The following LZTFL1 variants were observed in gnomAD, a reference collection of about 807,000 sequenced individuals.
LZTFL1 encodes leucine zipper transcription factor like 1.
Under a neutral mutation model 45.9 loss-of-function variants are expected in LZTFL1, and 25 were observed. The ratio of observed to expected loss-of-function variants is 0.54; its 90% CI spans 0.40 to 0.76. The LOEUF is 0.76. Ranked by LOEUF, LZTFL1 falls within the 30% of genes least tolerant of loss-of-function variation. The pLI, the probability that LZTFL1 is intolerant of heterozygous loss-of-function variation, is 0.00. For synonymous variants in LZTFL1, 93 were observed against 117.4 expected (o/e 0.79, Z 1.35); for missense variants, 277 against 331.1 (o/e 0.84, Z 1.27).
At chr3:45,847,203 C>A (rs1454968271) in intron 4 of LZTFL1, among the ~76,000 whole-genome samples, 3 of 152,220 alleles carry the variant, frequency 2.0e-5, no homozygotes, top group Non-Finnish European at 2.9e-5. Context: ...TGCATATCTA[C>A]AATCTCTTTC....
At chr3:45,861,502 G>C (rs1433415160) in intron 2 of LZTFL1, among the ~76,000 whole-genome samples, 2 of 152,160 alleles carry the variant, frequency 1.3e-5, no homozygotes, top group African/African-American at 4.8e-5. Flanking sequence ...AATGTGTGCT[G>C]AGGAGGGGTG....
At chr3:45,850,993 A>G (rs1701298410) in intron 4 of LZTFL1, among the ~76,000 whole-genome samples, 1 of 152,126 alleles carries the variant, frequency 6.6e-6, no homozygotes. Context: ...TGACCCACAT[A>G]GCACCCCTTT....
At chr3:45,856,019 T>A (rs1701387143) in intron 3 of LZTFL1, among the ~76,000 whole-genome samples, 1 of 152,124 alleles carries the variant, frequency 6.6e-6, no homozygotes. Context: ...TAAACTACAA[T>A]TGACATGCTT....
intron 1 of LZTFL1, among the ~76,000 whole-genome samples, chr3:45,838,844 T>C (rs1175970902): frequency 3.3e-5 from 5 of 152,174 alleles, no homozygotes; most frequent in African/African-American, 1.2e-4. Context: ...AGAATGGAGA[T>C]AGCAAGAGTT....
At chr3:45,883,267 A>G (rs1701894413) in intron 2 of LZTFL1, among the ~76,000 whole-genome samples, 1 of 152,238 alleles carries the variant, frequency 6.6e-6, no homozygotes, top group African/African-American at 2.4e-5. Flanking sequence ...ATTATTCCCA[A>G]GGCAAGTACA....
At chr3:45,908,403 C>T (rs1222839213) in intron 2 of LZTFL1, among the ~76,000 whole-genome samples, 1 of 152,198 alleles carries the variant, frequency 6.6e-6, no homozygotes, top group Non-Finnish European at 1.5e-5. Flanking sequence ...AAGCACTGGG[C>T]AAGGTGGTGA....
intron 2 of LZTFL1, among the ~76,000 whole-genome samples, chr3:45,885,590 C>G (rs1239085256): frequency 6.6e-6 from 1 of 152,202 alleles, no homozygotes; most frequent in East Asian, 1.9e-4. Flanking sequence ...TAAAGCAGTG[C>G]CTTTCAATAG....
At chr3:45,864,747 A>G (rs1701551421) in intron 2 of LZTFL1, among the ~76,000 whole-genome samples, 1 of 152,186 alleles carries the variant, frequency 6.6e-6, no homozygotes, top group Non-Finnish European at 1.5e-5. Context: ...ACAGTAAAAA[A>G]CTGTTTAGCT....
rs1307197976 is a variant in LZTFL1 at position 45,874,422 on chromosome 3, G to C, written c.-214-15406C>G. ...GTGCAGGATGTGGACATTTTGCTAT[G>C]GGGAGTGTATCTTTTAGAATAACTT... On this transcript the variant is annotated intron_variant, in intron 2 of 4. Coordinates refer to the LZTFL1 transcript ENST00000472635. Among the ~76,000 whole-genome samples the C allele has an allele frequency of 3.9e-5, 6 of 152,236 alleles. No individual in the cohort carries two copies. The South Asian group carries it at 1.2e-3, about 32-fold the overall frequency.
intron 2 of LZTFL1, among the ~76,000 whole-genome samples, chr3:45,882,058 T>C (rs1012569715): frequency 4.6e-5 from 7 of 152,264 alleles, no homozygotes; most frequent in African/African-American, 1.7e-4. Context: ...CAGATAGCTA[T>C]AGAATATTTC....
chr3:45,854,873 G>T, intron 4 of LZTFL1: 1 of 680,940 alleles, frequency 1.5e-6, no homozygotes, highest in Non-Finnish European at 2.4e-6. Context: ...CCTTCTTTAT[G>T]CTAAGAGCTA....
chr3:45,872,831 T>C (rs867421535), intron 2 of LZTFL1, among the ~76,000 whole-genome samples: 11 of 152,330 alleles, frequency 7.2e-5, no homozygotes, highest in South Asian at 4.1e-4. Context: ...TGAGAAATGC[T>C]TTTATGACAA....
chr3:45,831,030 C>A, intron 6 of LZTFL1, 40 bp from the exon 7 acceptor site: 2 of 1,603,440 alleles, frequency 1.2e-6, no homozygotes, highest in African/African-American at 2.7e-5. Flanking sequence ...AGTATTTAAT[C>A]TGTAGGCAGT....
chr3:45,824,365 T>TAAC lies in LZTFL1; in HGVS notation c.*1946_*1948dup, dbSNP rs3834206. ...ATTTTGCTAAAGGGTATAGAGTAAA[T>TAAC]AACAACAACAACAACAACAACAAAA... On this transcript the variant is annotated 3_prime_UTR_variant, in exon 10 of 10. Coordinates refer to ENST00000296135, the MANE Select transcript of LZTFL1 (RefSeq NM_020347.4). The TAAC allele has an allele frequency of 0.11, 16,676 of 152,552 alleles. 1,268 individuals are homozygous for TAAC. Among genetic ancestry groups the TAAC allele is most frequent in the African/African-American group, 0.22 (8,917 of 41,352 alleles). 9.4% of individuals were successfully genotyped at this position (152,552 alleles called of 1,614,324 possible).
rs1201223617 is a variant in LZTFL1 at position 45,890,315 on chromosome 3, ATT to A, written c.-215+22803_-215+22804del. ...AAATATATATATAACATATATATAT[ATT>A]TATATAAATATATATATAACATATA... On this transcript the variant is annotated intron_variant, in intron 2 of 4. Transcript: ENST00000472635. 8.4e-5 allele frequency among the ~76,000 whole-genome samples: 5 copies of A among 59,340 alleles called. 1 individual carries two copies. Among genetic ancestry groups the A allele is most frequent in the African/African-American group, 2.9e-4 (3 of 10,258 alleles). The allele number at this position is 59,340 out of a possible 152,430, so 38.9% of individuals were successfully genotyped here. A position where few individuals can be genotyped will look rare whatever the true frequency, so the allele number is the denominator to read the frequency against.
At chr3:45,906,729 T>G (rs560488945) in intron 2 of LZTFL1, among the ~76,000 whole-genome samples, 2 of 152,334 alleles carry the variant, frequency 1.3e-5, no homozygotes, top group East Asian at 3.9e-4. Context: ...CACATATGGC[T>G]GTGGAGCCTT....
intron 2 of LZTFL1, among the ~76,000 whole-genome samples, chr3:45,912,065 C>T (rs557589881): frequency 1.3e-5 from 2 of 152,358 alleles, no homozygotes; most frequent in East Asian, 1.9e-4. Context: ...CAGGAAATGT[C>T]GCATGGGTGT....
intron 2 of LZTFL1, among the ~76,000 whole-genome samples, chr3:45,867,907 G>A (rs1327939738): frequency 6.6e-6 from 1 of 152,054 alleles, no homozygotes; most frequent in East Asian, 1.9e-4. Flanking sequence ...AGCCCCATTG[G>A]AATGGGTTCC....
intron 1 of LZTFL1, chr3:45,913,212 G>T: frequency 1.4e-6 from 2 of 1,397,064 alleles, no homozygotes; most frequent in Non-Finnish European, 2.0e-6. Flanking sequence ...ATTAAACAAT[G>T]CTACTATTGT....
Sources: allele counts gnomAD v4.1 joint callset (sites outside exome capture counted in the v4.1 genomes callset), GRCh38; gene constraint gnomAD v4.1.1; transcripts MANE v1.5; gene names NCBI Gene and HGNC (gene_info 2026-07-23, HGNC 2026-07-21).